Variants in PHACTR1 observed in about 807,000 individuals in gnomAD.
PHACTR1 encodes the protein phosphatase and actin regulator 1, also known as RPEL repeat containing 1.
In PHACTR1, 16 loss-of-function variants were observed where a neutral mutation model predicts 69.2. That is an observed-to-expected ratio of 0.23 (90% CI 0.16 to 0.35). The LOEUF (loss-of-function observed/expected upper bound fraction) is 0.35. PHACTR1 is among the 10% of genes least tolerant of loss of function. The pLI, the probability that PHACTR1 is intolerant of heterozygous loss-of-function variation, is 1.00. For missense variants in PHACTR1, 510 were observed against 734.7 expected (o/e 0.69, Z 3.54); for synonymous variants, 312 against 284.5 (o/e 1.10, Z -0.97).
intron 4 of PHACTR1, among the ~76,000 whole-genome samples, chr6:13,013,552 T>C (rs1028753406): frequency 2.0e-4 from 31 of 152,284 alleles, no homozygotes; most frequent in African/African-American, 6.5e-4. Context: ...CAGCAGGCTC[T>C]CAGTAGCTGG....
chr6:13,088,561 A>G (rs1290009361), intron 5 of PHACTR1, among the ~76,000 whole-genome samples: 1 of 152,134 alleles, frequency 6.6e-6, no homozygotes, highest in African/African-American at 2.4e-5. Flanking sequence ...TCTTTTGGCC[A>G]GCATCTATTT....
At chr6:12,989,817 T>A (rs1796609843) in intron 4 of PHACTR1, among the ~76,000 whole-genome samples, 3 of 152,198 alleles carry the variant, frequency 2.0e-5, no homozygotes, top group Admixed American at 6.5e-5. Flanking sequence ...ATAGGCGTAA[T>A]CTATAGCAAT....
At chr6:12,755,994 C>T (rs948894643) in intron 4 of PHACTR1, among the ~76,000 whole-genome samples, 19 of 152,154 alleles carry the variant, frequency 1.2e-4, no homozygotes, top group Admixed American at 9.8e-4. Context: ...TTTTTCTTCA[C>T]GTGCATATAA....
At chr6:13,031,781 T>A (rs1802488286) in intron 4 of PHACTR1, among the ~76,000 whole-genome samples, 1 of 152,216 alleles carries the variant, frequency 6.6e-6, no homozygotes, top group South Asian at 2.1e-4. Flanking sequence ...GTATTAAAAA[T>A]TGCCACTTTT....
In PHACTR1 at chr6:13,212,422, C is replaced by T. The variant is rs142556601; in HGVS notation, c.986+6286C>T. Among the ~76,000 whole-genome samples, 789 of 152,302 alleles carry T rather than the reference C, an allele frequency of 5.2e-3. 1 individual carries two copies. The highest frequency in any genetic ancestry group is 0.014 in the Middle Eastern group (4 of 294). On this transcript the variant is annotated intron_variant, in intron 8 of 14. Transcript: ENST00000332995. The stretch of plus-strand genomic sequence containing the variant: ...TACTCTTCAAGACATTATTAAAATA[C>T]CAGGTCCTCTGTGACCCCTTCTCAG...
chr6:13,089,522 T>G (rs1391902011), intron 5 of PHACTR1, among the ~76,000 whole-genome samples: 1 of 152,212 alleles, frequency 6.6e-6, no homozygotes, highest in East Asian at 1.9e-4. Context: ...CATCATTTTT[T>G]GGGTAGAATT....
chr6:13,141,159 G>C (rs1435698803), intron 5 of PHACTR1, among the ~76,000 whole-genome samples: 1 of 152,160 alleles, frequency 6.6e-6, no homozygotes, highest in African/African-American at 2.4e-5. Context: ...GATCAGCTGG[G>C]TTCCCATCAG....
chr6:12,991,811 T>C (rs1796851460), intron 4 of PHACTR1, among the ~76,000 whole-genome samples: 1 of 152,200 alleles, frequency 6.6e-6, no homozygotes, highest in South Asian at 2.1e-4. Flanking sequence ...CTAAACACAC[T>C]TTATTTAAAG....
chr6:13,202,329 T>C, intron 7 of PHACTR1, among the ~76,000 whole-genome samples: 1 of 152,220 alleles, frequency 6.6e-6, no homozygotes, highest in East Asian at 1.9e-4. Context: ...AATTCCACTC[T>C]GCCCTCCTGG....
At chr6:12,932,785 A>G (rs141984424) in intron 4 of PHACTR1, among the ~76,000 whole-genome samples, 2 of 152,248 alleles carry the variant, frequency 1.3e-5, no homozygotes, top group African/African-American at 4.8e-5. Flanking sequence ...ACCCCATTTT[A>G]TACATGAAGA....
rs1306739836 is a variant in PHACTR1, at chr6:13,229,973, G to C, written c.1235-64G>C. 6 of 1,495,386 alleles carry C rather than the reference G, an allele frequency of 4.0e-6. No individual in the cohort carries two copies. In the African/African-American group the frequency reaches 5.6e-5, roughly 14 times the overall value. The allele number at this position is 1,495,386 out of a possible 1,614,324, so 92.6% of individuals were successfully genotyped here. On this transcript the variant is annotated intron_variant, in intron 9 of 14. Coordinates refer to ENST00000332995, the MANE Select transcript of PHACTR1 (RefSeq NM_030948.6). ...CCTGCCTTGTATCTTATGACCCAGG[G>C]TTGGCCCTGTGGGAGCCCAGGCAGA...
At chr6:13,048,521 T>TG (rs1805428657) in intron 4 of PHACTR1, among the ~76,000 whole-genome samples, 2 of 124,944 alleles carry the variant, frequency 1.6e-5, no homozygotes, top group South Asian at 2.8e-4. Context: ...TTTCCATTTC[T>TG]TTGTGTGTGT....
chr6:13,109,241 T>C (rs966281637), intron 5 of PHACTR1, among the ~76,000 whole-genome samples: 2 of 152,046 alleles, frequency 1.3e-5, no homozygotes, highest in Admixed American at 1.3e-4. Flanking sequence ...ATCCTGCTTT[T>C]TATTTTTATG....
intron 5 of PHACTR1, among the ~76,000 whole-genome samples, chr6:13,085,969 A>T (rs1047577244): frequency 2.0e-5 from 3 of 151,896 alleles, no homozygotes; most frequent in Admixed American, 6.6e-5. Flanking sequence ...TGAATCAAAA[A>T]CAATTTAAAA....
intron 3 of PHACTR1, among the ~76,000 whole-genome samples, chr6:12,740,145 G>T (rs1213100765): frequency 6.6e-6 from 1 of 152,068 alleles, no homozygotes; most frequent in African/African-American, 2.4e-5. Context: ...ATTCGTCCTT[G>T]TTGCTGCATG....
chr6:13,275,135 A>C lies in PHACTR1; in HGVS notation c.1447+2220A>C, dbSNP rs1778620260. 1.3e-5 allele frequency: 2 copies of C among 152,242 alleles called. No individual in the cohort carries two copies. The allele number at this position is 152,242 out of a possible 1,614,324, so 9.4% of individuals were successfully genotyped here. A position where few individuals can be genotyped will look rare whatever the true frequency, so the allele number is the denominator to read the frequency against. ...ACTGCTCGGTGTTGGGTGGTGGGGA[A>C]CAGGGCACAGAGATGCCATGGCTCA... On this transcript the variant is annotated intron_variant, in intron 11 of 14. Coordinates refer to ENST00000332995, the MANE Select transcript of PHACTR1 (RefSeq NM_030948.6). The surrounding 1 kb of genome is among the most constrained non-coding windows in gnomAD (Gnocchi z 4.0).
intron 5 of PHACTR1, among the ~76,000 whole-genome samples, chr6:13,155,249 G>A (rs567326004): frequency 1.6e-4 from 25 of 152,162 alleles, no homozygotes; most frequent in African/African-American, 5.1e-4. Flanking sequence ...ACCATGCTTC[G>A]GTTGTCCTAC....
intron 3 of PHACTR1, among the ~76,000 whole-genome samples, chr6:12,720,889 A>G (rs550124036): frequency 2.0e-5 from 3 of 152,334 alleles, no homozygotes; most frequent in Non-Finnish European, 2.9e-5. Flanking sequence ...ATTGTACTCA[A>G]CACTAGAGGC....
At chr6:12,738,238 T>C (rs1039161256) in intron 3 of PHACTR1, among the ~76,000 whole-genome samples, 7 of 152,246 alleles carry the variant, frequency 4.6e-5, no homozygotes, top group African/African-American at 1.7e-4. Context: ...CTTATGTTTA[T>C]GCATTCTAGT....
Sources: gnomAD v4.1 joint callset for allele counts (sites outside exome capture counted in the v4.1 genomes callset) on GRCh38, gnomAD v4.1.1 for gene constraint, Gnocchi (gnomAD v3.1) non-coding constraint, MANE v1.5 for transcripts, NCBI Gene and HGNC (gene_info 2026-07-23, HGNC 2026-07-21) for gene names.